Variants in TEAD1 observed in about 807,000 individuals in gnomAD.
The protein encoded by TEAD1 is TEA domain transcription factor 1.
TEAD1 carries 9 observed loss-of-function variants against 54.9 expected under a neutral mutation model. The ratio of observed to expected loss-of-function variants is 0.16; its 90% CI spans 0.10 to 0.29. The LOEUF (loss-of-function observed/expected upper bound fraction) is 0.29. TEAD1 is among the 10% of genes least tolerant of loss of function. The pLI is 1.00. For missense variants in TEAD1, 387 were observed against 535.9 expected (o/e 0.72, Z 2.74); for synonymous variants, 200 against 187.8 (o/e 1.07, Z -0.53).
intron 2 of TEAD1, among the ~76,000 whole-genome samples, chr11:12,742,593 A>G (rs1944669215): frequency 6.6e-6 from 1 of 152,232 alleles, no homozygotes; most frequent in Admixed American, 6.5e-5. Context: ...CTTATCACAA[A>G]GAAATGATAC....
intron 10 of TEAD1, among the ~76,000 whole-genome samples, chr11:12,923,302 A>T (rs1431232872): frequency 6.6e-6 from 1 of 151,898 alleles, no homozygotes; most frequent in African/African-American, 2.4e-5. Flanking sequence ...CTTCTCTCTT[A>T]TGGAATGCTT....
At chr11:12,836,515 A>C (rs1946895829) in intron 3 of TEAD1, among the ~76,000 whole-genome samples, 2 of 152,136 alleles carry the variant, frequency 1.3e-5, no homozygotes, top group African/African-American at 4.8e-5. Flanking sequence ...GCTTCCTCCT[A>C]ACCCCAAACT....
chr11:12,747,278 GGAA>G (rs1245019571), intron 2 of TEAD1, among the ~76,000 whole-genome samples: 2 of 152,066 alleles, frequency 1.3e-5, no homozygotes, highest in African/African-American at 4.8e-5. Context: ...AGTATAGCAG[GGAA>G]GAAGGTGGAT....
intron 3 of TEAD1, among the ~76,000 whole-genome samples, chr11:12,797,495 C>T (rs937814761): frequency 2.0e-5 from 3 of 152,108 alleles, no homozygotes; most frequent in Non-Finnish European, 4.4e-5. Flanking sequence ...GTGTGCCACC[C>T]ACCCCATCCC....
At chr11:12,811,191 A>G (rs1946293097) in intron 3 of TEAD1, among the ~76,000 whole-genome samples, 2 of 152,220 alleles carry the variant, frequency 1.3e-5, no homozygotes, top group African/African-American at 4.8e-5. Flanking sequence ...GGCTGCTGGG[A>G]AAGTAAAGCT....
intron 3 of TEAD1, among the ~76,000 whole-genome samples, chr11:12,769,491 A>T (rs1355609215): frequency 6.6e-6 from 1 of 152,180 alleles, no homozygotes; most frequent in Non-Finnish European, 1.5e-5. Flanking sequence ...ACTCCTCTGG[A>T]TGCAGAGGAC....
chr11:12,905,916 A>C (rs1391933163), intron 10 of TEAD1, among the ~76,000 whole-genome samples: 5 of 152,152 alleles, frequency 3.3e-5, no homozygotes, highest in Non-Finnish European at 4.4e-5. Flanking sequence ...GTGTTACCTA[A>C]AGTACCTGCA....
chr11:12,851,401 A>T (rs953366568), intron 3 of TEAD1, among the ~76,000 whole-genome samples: 3 of 152,256 alleles, frequency 2.0e-5, no homozygotes, highest in African/African-American at 7.2e-5. Context: ...CTATGCGATG[A>T]TAGCTATGTT....
chr11:12,827,862 G>A (rs1338083133), intron 3 of TEAD1, among the ~76,000 whole-genome samples: 1 of 152,226 alleles, frequency 6.6e-6, no homozygotes, highest in African/African-American at 2.4e-5. Context: ...GACTTCTTGT[G>A]TTGTGCCTGT....
chr11:12,834,491 A>G (rs939494786), intron 3 of TEAD1, among the ~76,000 whole-genome samples: 7 of 152,246 alleles, frequency 4.6e-5, no homozygotes, highest in Admixed American at 1.3e-4. Flanking sequence ...AATGAAAATA[A>G]TGACAGCCTC....
intron 2 of TEAD1, among the ~76,000 whole-genome samples, chr11:12,747,086 T>A (rs1944760922): frequency 6.6e-6 from 1 of 152,228 alleles, no homozygotes; most frequent in South Asian, 2.1e-4. Context: ...GGTTCTAGTC[T>A]AAGGTATGCC....
At position 12,937,248 on chromosome 11, in the gene TEAD1, T is replaced by C. The variant is rs779200900; in HGVS notation, c.*26T>C. The C allele has an allele frequency of 5.5e-5, 82 of 1,478,016 alleles. No individual in the cohort carries two copies. Among genetic ancestry groups the C allele is most frequent in the East Asian group, 9.3e-5 (4 of 42,842 alleles). 91.6% of individuals were successfully genotyped at this position (1,478,016 alleles called of 1,614,324 possible). Reference sequence around the variant, plus strand: ...ACATGGTTATTTATATATATAGATATCTGTATATACACACACACATATGTG... The same window carrying C: ...ACATGGTTATTTATATATATAGATACCTGTATATACACACACACATATGTG... On this transcript the variant is annotated 3_prime_UTR_variant, in exon 13 of 13. Coordinates refer to ENST00000527636, the MANE Select transcript of TEAD1 (RefSeq NM_021961.6).
chr11:12,933,635 G>A (rs1485983960), intron 12 of TEAD1, among the ~76,000 whole-genome samples: 1 of 152,096 alleles, frequency 6.6e-6, no homozygotes, highest in East Asian at 1.9e-4. Context: ...CGCAGATTGG[G>A]AGGGCCAACT....
intron 3 of TEAD1, among the ~76,000 whole-genome samples, chr11:12,831,035 T>C (rs952582457): frequency 6.6e-5 from 10 of 152,108 alleles, no homozygotes; most frequent in Non-Finnish European, 1.3e-4. Context: ...TGTTCTCTGC[T>C]CTTGTGGAGG....
At chr11:12,929,163 C>CGTGTGTGTGTGGGT (rs1948962751) in intron 11 of TEAD1, among the ~76,000 whole-genome samples, 1 of 106,726 alleles carries the variant, frequency 9.4e-6, no homozygotes, top group African/African-American at 3.3e-5. Flanking sequence ...TTTGCTTTGC[C>CGTGTGTGTGTGGGT]GTGTGTGTGT....
At chr11:12,720,342 A>G (rs80218219) in intron 2 of TEAD1, among the ~76,000 whole-genome samples, 4,072 of 152,296 alleles carry the variant, frequency 0.027, 75 homozygotes, top group Middle Eastern at 0.054. Context: ...TAGAGAATGC[A>G]GAACATATAG....
At chr11:12,840,510 A>G (rs1947013116) in intron 3 of TEAD1, among the ~76,000 whole-genome samples, 1 of 152,138 alleles carries the variant, frequency 6.6e-6, no homozygotes, top group Admixed American at 6.5e-5. Context: ...TCTGCGTAAT[A>G]GTCTTTCACT....
intron 9 of TEAD1, among the ~76,000 whole-genome samples, chr11:12,896,599 A>C (rs1417438086): frequency 6.6e-6 from 1 of 152,226 alleles, no homozygotes; most frequent in Non-Finnish European, 1.5e-5. Flanking sequence ...GCTAATGAAC[A>C]ATATGTTTAA....
Position 12,925,009 on chromosome 11 carries a change from C to T in TEAD1, c.971C>T (p.Thr324Ile), listed in dbSNP as rs1386178336. The T allele has an allele frequency of 6.2e-7, 1 of 1,614,184 alleles. No homozygotes were observed. The highest frequency in any genetic ancestry group is 8.5e-7 in the Non-Finnish European group (1 of 1,180,028). ...GAAAATATGACAGTCACCTGTTCCA[C>T]CAAAGTTTGCTCCTTTGGGAAGCAA... The change falls in exon 11 of 13, where the codon ACC (threonine) becomes ATC (isoleucine). Residue 324 changes from threonine to isoleucine, a missense_variant. By Grantham distance (89) the Thr-to-Ile change is moderately conservative. Coordinates refer to ENST00000527636, the MANE Select transcript of TEAD1 (RefSeq NM_021961.6).
Sources: gnomAD v4.1 joint callset for allele counts (sites outside exome capture counted in the v4.1 genomes callset) on GRCh38, gnomAD v4.1.1 for gene constraint, MANE v1.5 for transcripts, NCBI Gene and HGNC (gene_info 2026-07-23, HGNC 2026-07-21) for gene names.